The following ROBO1 variants were observed in gnomAD, a reference collection of about 807,000 sequenced individuals.
ROBO1 encodes the protein roundabout homolog 1.
Under a neutral mutation model 195.9 loss-of-function variants are expected in ROBO1, and 149 were observed. The observed-to-expected ratio is 0.76, with a 90% confidence interval of 0.67 to 0.87. The LOEUF (loss-of-function observed/expected upper bound fraction) is 0.87, where lower values mean the gene tolerates loss of function less well. Ranked by LOEUF, ROBO1 falls within the 40% of genes least tolerant of loss-of-function variation. The pLI is 0.00. For missense variants in ROBO1, 1,933 were observed against 2,068.3 expected (o/e 0.93, Z 1.27); for synonymous variants, 816 against 733.2 (o/e 1.11, Z -1.82).
chr3:79,102,686 C>T (rs963445638), intron 3 of ROBO1, among the ~76,000 whole-genome samples: 2 of 151,826 alleles, frequency 1.3e-5, no homozygotes, highest in African/African-American at 4.8e-5. Context: ...ATTTTTACTT[C>T]ACTTGGACAG....
At chr3:79,536,598 A>G (rs902020856) in intron 2 of ROBO1, among the ~76,000 whole-genome samples, 1 of 152,178 alleles carries the variant, frequency 6.6e-6, no homozygotes, top group Non-Finnish European at 1.5e-5. Context: ...TTGTAAAATA[A>G]TAATAGCCTG....
At position 78,617,800 on chromosome 3, in the gene ROBO1, C is replaced by G. The variant is rs764473580; in HGVS notation, c.4117G>C (p.Gly1373Arg). 1 of 1,613,900 alleles carries G rather than the reference C, an allele frequency of 6.2e-7. No homozygotes were observed. Residue 1373 changes from glycine (G) to arginine (R), a missense_variant, in exon 27 of 31, where the codon GGC becomes CGC. By Grantham distance (125) the Gly-to-Arg change is moderately radical (BLOSUM62 -2). This residue lies in a region of ROBO1 where 1,737 missense variants were observed against 1,882.5 expected (regional missense o/e 0.92). Transcript: ENST00000464233. The part of the protein sequence containing the change: ...ESSVTGSMIN[G>R]WGSASEEDNI... ...TCCTCCTCTGAGGCTGAGCCCCAGC[C>G]GTTGATCATGGACCCCGTGACAGAG...
intron 2 of ROBO1, among the ~76,000 whole-genome samples, chr3:79,568,026 C>G (rs949468153): frequency 6.6e-6 from 1 of 151,988 alleles, no homozygotes; most frequent in Non-Finnish European, 1.5e-5. Flanking sequence ...AATACCATAT[C>G]CTTTGGCAAG....
At chr3:78,777,447 C>T (rs532146718) in intron 4 of ROBO1, among the ~76,000 whole-genome samples, 4 of 152,180 alleles carry the variant, frequency 2.6e-5, no homozygotes, top group African/African-American at 9.6e-5. Flanking sequence ...ACAACCAATG[C>T]CATCTGGTAC....
chr3:78,672,309 G>A lies in ROBO1; in HGVS notation c.1343-2008C>T, dbSNP rs563086521. On this transcript the variant is annotated intron_variant, in intron 10 of 30. Coordinates refer to ENST00000464233, the MANE Select transcript of ROBO1 (RefSeq NM_002941.4). ...GAGATGAAAGATTTGGCCGGGCACT[G>A]GGGCTCACGCCTGTAATCCTGCACT... Among the ~76,000 whole-genome samples, 127 of 152,212 alleles carry A rather than the reference G, an allele frequency of 8.3e-4. 1 individual carries two copies. The highest frequency in any genetic ancestry group is 2.5e-3 in the African/African-American group (105 of 41,530).
At chr3:79,400,590 T>C (rs1183832518) in intron 2 of ROBO1, among the ~76,000 whole-genome samples, 1 of 152,110 alleles carries the variant, frequency 6.6e-6, no homozygotes, top group African/African-American at 2.4e-5. Flanking sequence ...CTGTCAAGGA[T>C]GATGGTTTGA....
At chr3:79,364,039 C>CT (rs746834165) in intron 2 of ROBO1, among the ~76,000 whole-genome samples, 1 of 151,762 alleles carries the variant, frequency 6.6e-6, no homozygotes, top group Non-Finnish European at 1.5e-5. Context: ...TCCGTCTCTA[C>CT]TAAAAATACA....
chr3:79,601,015 G>A (rs1272982991), intron 1 of ROBO1, among the ~76,000 whole-genome samples: 1 of 151,946 alleles, frequency 6.6e-6, no homozygotes, highest in Non-Finnish European at 1.5e-5. Context: ...ACAAGCGGTG[G>A]TAATTTCTAT....
intron 2 of ROBO1, among the ~76,000 whole-genome samples, chr3:79,401,435 G>A (rs2037362099): frequency 6.6e-6 from 1 of 151,718 alleles, no homozygotes; most frequent in Non-Finnish European, 1.5e-5. Flanking sequence ...AGTGAATTGG[G>A]TCTGCTTTTT....
At chr3:78,615,154 C>T (rs1005666372) in intron 27 of ROBO1, among the ~76,000 whole-genome samples, 1 of 152,154 alleles carries the variant, frequency 6.6e-6, no homozygotes, top group Admixed American at 6.5e-5. Context: ...TAAATGTTTG[C>T]ATAATATAGC....
intron 2 of ROBO1, among the ~76,000 whole-genome samples, chr3:79,422,882 C>G (rs190450015): frequency 3.9e-5 from 6 of 152,168 alleles, no homozygotes; most frequent in Admixed American, 2.6e-4. Context: ...AGAATTCTTC[C>G]ATCTCCTTCT....
At chr3:78,923,640 C>A (rs1416528522) in intron 4 of ROBO1, among the ~76,000 whole-genome samples, 1 of 152,096 alleles carries the variant, frequency 6.6e-6, no homozygotes, top group Admixed American at 6.6e-5. Context: ...ACTTCTCATT[C>A]CAGAAGAAGT....
intron 1 of ROBO1, among the ~76,000 whole-genome samples, chr3:79,618,370 A>G (rs1439759610): frequency 6.6e-6 from 1 of 152,156 alleles, no homozygotes. Flanking sequence ...GCAACTGAAG[A>G]ACCACAAAAG....
At chr3:79,257,101 A>G (rs1559769860) in intron 2 of ROBO1, among the ~76,000 whole-genome samples, 4 of 152,180 alleles carry the variant, frequency 2.6e-5, no homozygotes, top group Non-Finnish European at 5.9e-5. Flanking sequence ...CTTTCCAGAA[A>G]GTAAGTTTGA....
intron 1 of ROBO1, among the ~76,000 whole-genome samples, chr3:79,766,697 CCG>C (rs1296564961): frequency 6.6e-6 from 1 of 152,120 alleles, no homozygotes; most frequent in Non-Finnish European, 1.5e-5. Flanking sequence ...TGGGACCCAG[CCG>C]CGCGCGCAGC....
chr3:79,483,974 GT>G (rs1237465247), intron 2 of ROBO1, among the ~76,000 whole-genome samples: 3 of 152,150 alleles, frequency 2.0e-5, no homozygotes, highest in African/African-American at 7.2e-5. Flanking sequence ...GAGCCTTGAG[GT>G]ACAAGGCATT....
chr3:78,932,647 T>C (rs993757728), intron 4 of ROBO1, among the ~76,000 whole-genome samples: 13 of 151,918 alleles, frequency 8.6e-5, no homozygotes, highest in African/African-American at 3.1e-4. Context: ...AAGAAAAGAG[T>C]AAATATTATT....
chr3:79,750,350 G>A (rs1704079176), intron 1 of ROBO1, among the ~76,000 whole-genome samples: 1 of 152,212 alleles, frequency 6.6e-6, no homozygotes, highest in Non-Finnish European at 1.5e-5. Context: ...TCTCAAATGA[G>A]ATGTTGGACT....
chr3:79,361,964 T>G (rs546162972), intron 2 of ROBO1, among the ~76,000 whole-genome samples: 2 of 152,096 alleles, frequency 1.3e-5, no homozygotes, highest in East Asian at 1.9e-4. Context: ...TAGTGCCATC[T>G]AGTGGCAAAA....
Sources: allele counts gnomAD v4.1 joint callset (sites outside exome capture counted in the v4.1 genomes callset), GRCh38; gene constraint gnomAD v4.1.1; regional missense constraint gnomAD v4.1.1; transcripts MANE v1.5; gene names NCBI Gene and HGNC (gene_info 2026-07-23, HGNC 2026-07-21).